DCDC2: variants seen among roughly 807,000 people sequenced by gnomAD.
The protein encoded by DCDC2 is doublecortin domain containing 2, also known as doublecortin domain-containing protein 2.
A neutral mutation model predicts 50.2 loss-of-function variants in DCDC2; 40 were observed. The ratio of observed to expected loss-of-function variants is 0.80; its 90% CI spans 0.62 to 1.04. The LOEUF (loss-of-function observed/expected upper bound fraction) is 1.04, where lower values mean the gene tolerates loss of function less well. Among genes scored for constraint, DCDC2 ranks in the 50% least tolerant of loss-of-function variants. DCDC2 has a pLI of 0.00. For synonymous variants in DCDC2, 234 were observed against 210.6 expected (o/e 1.11, Z -0.96); for missense variants, 570 against 581.9 (o/e 0.98, Z 0.21).
At chr6:24,341,873 CAA>C (rs1256735888) in intron 2 of DCDC2, among the ~76,000 whole-genome samples, 1 of 152,098 alleles carries the variant, frequency 6.6e-6, no homozygotes. Context: ...ATCTTTGAAA[CAA>C]AGTTTCCCAA....
chr6:24,358,839 A>ATTTATTTATT (rs1554121637), upstream of DCDC2, among the ~76,000 whole-genome samples: 1 of 22,772 alleles, frequency 4.4e-5, no homozygotes, highest in Non-Finnish European at 6.7e-5. Context: ...ATTTATATAT[A>ATTTATTTATT]TATTTATATA....
intron 2 of DCDC2, among the ~76,000 whole-genome samples, chr6:24,329,697 T>C (rs902107167): frequency 6.6e-6 from 1 of 152,212 alleles, no homozygotes; most frequent in African/African-American, 2.4e-5. Flanking sequence ...TTACATTCAA[T>C]ACAAATAATT....
intron 7 of DCDC2, among the ~76,000 whole-genome samples, chr6:24,255,914 A>G (rs910572421): frequency 6.6e-6 from 1 of 152,202 alleles, no homozygotes; most frequent in Non-Finnish European, 1.5e-5. Context: ...AGAAATACAC[A>G]TGCTGACTAG....
chr6:24,246,402 C>T (rs1033850104), intron 7 of DCDC2, among the ~76,000 whole-genome samples: 7 of 151,360 alleles, frequency 4.6e-5, no homozygotes, highest in South Asian at 2.1e-4. Flanking sequence ...TTAAATTGTA[C>T]GCCATCTTAG....
intron 7 of DCDC2, among the ~76,000 whole-genome samples, chr6:24,238,838 G>A (rs559687284): frequency 6.6e-6 from 1 of 152,118 alleles, no homozygotes; most frequent in African/African-American, 2.4e-5. Context: ...TAGATTATAG[G>A]GCAACACAAG....
chr6:24,236,390 T>C (rs1450351988), intron 7 of DCDC2, among the ~76,000 whole-genome samples: 1 of 152,112 alleles, frequency 6.6e-6, no homozygotes. Context: ...TATACAAGAA[T>C]TAACCCAAAA....
the DCDC2 span, among the ~76,000 whole-genome samples, chr6:24,369,570 G>A: frequency 8.6e-5 from 13 of 151,502 alleles, no homozygotes; most frequent in African/African-American, 2.7e-4. Context: ...AGATCGCGCC[G>A]CTGCACTCAG....
intron 7 of DCDC2, among the ~76,000 whole-genome samples, chr6:24,246,473 C>CTTT (rs1305733830): frequency 9.6e-5 from 6 of 62,224 alleles, no homozygotes; most frequent in South Asian, 5.9e-4. Flanking sequence ...AAGTCTTTTT[C>CTTT]TTTTTCTTTT....
At chr6:24,304,683 A>T (rs965466531) in intron 2 of DCDC2, among the ~76,000 whole-genome samples, 1 of 152,350 alleles carries the variant, frequency 6.6e-6, no homozygotes. Flanking sequence ...TACATAGCAC[A>T]TACATACAAT....
chr6:24,228,686 A>C (rs536464082), intron 7 of DCDC2, among the ~76,000 whole-genome samples: 2 of 152,352 alleles, frequency 1.3e-5, no homozygotes, highest in South Asian at 4.1e-4. Context: ...AAGAATCCTG[A>C]AAGCAGCACT....
In DCDC2 at chr6:24,174,642, A is replaced by T; in HGVS notation, c.*88T>A. 2 of 875,934 alleles carry T rather than the reference A, an allele frequency of 2.3e-6. No homozygotes were observed. The highest frequency in any genetic ancestry group is 3.7e-6 in the Non-Finnish European group (2 of 547,146). The allele number at this position is 875,934 out of a possible 1,614,324, so 54.3% of individuals were successfully genotyped here. ...TAGTATTCGACCATAGTGTCACATT[A>T]TATTCAGCAATAACTATGTGCTTAT... is the stretch of plus-strand genomic sequence containing the variant. On this transcript the variant is annotated 3_prime_UTR_variant, in exon 10 of 10. Coordinates refer to ENST00000378454, the MANE Select transcript of DCDC2 (RefSeq NM_016356.5).
At chr6:24,188,030 G>C (rs969009850) in intron 8 of DCDC2, among the ~76,000 whole-genome samples, 7 of 152,218 alleles carry the variant, frequency 4.6e-5, no homozygotes, top group South Asian at 2.1e-4. Context: ...ATAAAGTACA[G>C]AGCAAAGACA....
At chr6:24,215,769 T>C (rs1761959850) in intron 7 of DCDC2, among the ~76,000 whole-genome samples, 1 of 152,162 alleles carries the variant, frequency 6.6e-6, no homozygotes, top group Non-Finnish European at 1.5e-5. Context: ...CACTCCCGGC[T>C]GAGGGGGCGG....
intron 7 of DCDC2, among the ~76,000 whole-genome samples, chr6:24,220,885 AGAGAGT>A (rs1762093073): frequency 8.4e-6 from 1 of 118,766 alleles, no homozygotes; most frequent in African/African-American, 2.8e-5. Flanking sequence ...AGCGAGAGCG[AGAGAGT>A]GAGCGAGCGA....
At chr6:24,290,462 A>G (rs964415834) in intron 5 of DCDC2, among the ~76,000 whole-genome samples, 3 of 152,218 alleles carry the variant, frequency 2.0e-5, no homozygotes, top group Non-Finnish European at 2.9e-5. Context: ...CTCTATTTGC[A>G]TAAGTGGGAT....
chr6:24,259,933 T>C (rs552815795), intron 7 of DCDC2, among the ~76,000 whole-genome samples: 67 of 152,346 alleles, frequency 4.4e-4, no homozygotes, highest in Middle Eastern at 6.8e-3. Flanking sequence ...CTCTCAGTAC[T>C]CACCATGTTG....
intron 8 of DCDC2, among the ~76,000 whole-genome samples, chr6:24,188,675 A>G (rs904119161): frequency 6.6e-6 from 1 of 152,208 alleles, no homozygotes; most frequent in Non-Finnish European, 1.5e-5. Flanking sequence ...TCTAAGGAGT[A>G]CATACATCTT....
intron 7 of DCDC2, among the ~76,000 whole-genome samples, chr6:24,247,926 A>C (rs993388459): frequency 7.2e-5 from 11 of 152,120 alleles, no homozygotes; most frequent in Non-Finnish European, 1.2e-4. Flanking sequence ...AATACAAAAA[A>C]TTAGCTGGGT....
chr6:24,301,719 G>A lies in DCDC2; in HGVS notation c.553C>T (p.His185Tyr). Residue 185 changes from histidine (H) to tyrosine (Y), a missense_variant, in exon 4 of 10, where the codon CAC becomes TAC. By Grantham distance (83) the His-to-Tyr change is moderately conservative. Coordinates refer to ENST00000378454, the MANE Select transcript of DCDC2 (RefSeq NM_016356.5). Reference protein sequence around the residue: ...EKITLRSGAVHRLYTLEGKLV... With the variant: ...EKITLRSGAVYRLYTLEGKLV... ...TACAAGATTGTTTTGACATACCTGT[G>A]AACAGCCCCGCTCCTCAGAGTGATT... The A allele has an allele frequency of 6.2e-7, 1 of 1,613,972 alleles. No individual in the cohort carries two copies. The highest frequency in any genetic ancestry group is 1.1e-5 in the South Asian group (1 of 91,032).
Sources: gnomAD v4.1 joint callset for allele counts (sites outside exome capture counted in the v4.1 genomes callset) on GRCh38, gnomAD v4.1.1 for gene constraint, MANE v1.5 for transcripts, NCBI Gene and HGNC (gene_info 2026-07-23, HGNC 2026-07-21) for gene names.